C5orf58: variants seen among roughly 807,000 people sequenced by gnomAD.
C5orf58 encodes the protein putative uncharacterized protein C5orf58.
Under a neutral mutation model 2.9 loss-of-function variants are expected in C5orf58, and 2 were observed. That is an observed-to-expected ratio of 0.69 (90% CI 0.28 to 2.18). The LOEUF (loss-of-function observed/expected upper bound fraction) is 2.18, where lower values mean the gene tolerates loss of function less well. C5orf58 is among the 30% of genes most tolerant of loss of function. The pLI is 0.13. For missense variants in C5orf58, 96 were observed against 91.7 expected, an observed-to-expected ratio of 1.05 and a Z score of -0.19; for synonymous variants, 37 against 33.4, an observed-to-expected ratio of 1.11 and a Z score of -0.37.
chr5:170,234,161 C>G lies in C5orf58; in HGVS notation c.-38C>G. The G allele has an allele frequency of 7.3e-7, 1 of 1,367,582 alleles. No homozygotes were observed. Among genetic ancestry groups the G allele is most frequent in the Non-Finnish European group, 9.8e-7 (1 of 1,021,792 alleles). 84.7% of individuals were successfully genotyped at this position (1,367,582 alleles called of 1,614,324 possible). A position where few individuals can be genotyped will look rare whatever the true frequency, so the allele number is the denominator to read the frequency against. On this transcript the variant is annotated 5_prime_UTR_variant, in exon 2 of 4. Coordinates refer to ENST00000593851, the MANE Select transcript of C5orf58 (RefSeq NM_001102609.3). Reference sequence around the variant, plus strand: ...ATGAGAGAAATTGCAGAAATTCTCCCTGCTCAGGAAAAGGTAGAGGCAAGG... The same window carrying G: ...ATGAGAGAAATTGCAGAAATTCTCCGTGCTCAGGAAAAGGTAGAGGCAAGG...
In C5orf58 at chr5:170,234,188, T is replaced by C. The variant is rs377516501; in HGVS notation, c.-11T>C. ...GCTCAGGAAAAGGTAGAGGCAAGGA[T>C]TGACTTAAAGGTTAGTTTGTTTTCA... On this transcript the variant is annotated 5_prime_UTR_variant, in exon 2 of 4. Coordinates refer to ENST00000593851, the MANE Select transcript of C5orf58 (RefSeq NM_001102609.3). The C allele has an allele frequency of 2.6e-5, 36 of 1,367,106 alleles. No individual in the cohort carries two copies. Among genetic ancestry groups the C allele is most frequent in the African/African-American group, 5.9e-5 (4 of 67,734 alleles). The allele number at this position is 1,367,106 out of a possible 1,614,324, so 84.7% of individuals were successfully genotyped here. A position where few individuals can be genotyped will look rare whatever the true frequency, so the allele number is the denominator to read the frequency against.
chr5:170,240,506 T>G (rs1315535103), intron 3 of C5orf58, among the ~76,000 whole-genome samples: 1 of 151,996 alleles, frequency 6.6e-6, no homozygotes, highest in Non-Finnish European at 1.5e-5. Flanking sequence ...TGGTTTTGAT[T>G]TGCATTTCTC....
intron 3 of C5orf58, among the ~76,000 whole-genome samples, chr5:170,244,356 T>G (rs1235254726): frequency 6.6e-6 from 1 of 151,342 alleles, no homozygotes; most frequent in Non-Finnish European, 1.5e-5. Context: ...TTCTCCTGGA[T>G]AGTATCCTGC....
chr5:170,247,398 C>G (rs924925338), downstream of C5orf58: 1 of 152,208 alleles, frequency 6.6e-6, no homozygotes, highest in Admixed American at 6.5e-5. Context: ...TTCTTAGATT[C>G]CTTCCAATAC....
chr5:170,248,922 A>G, downstream of C5orf58: 2 of 1,184,908 alleles, frequency 1.7e-6, no homozygotes, highest in Non-Finnish European at 2.4e-6. Context: ...TCTTCAAGTG[A>G]TGAGGATTGT....
chr5:170,243,733 A>G (rs369081284), intron 3 of C5orf58, among the ~76,000 whole-genome samples: 3 of 151,214 alleles, frequency 2.0e-5, no homozygotes, highest in African/African-American at 7.3e-5. Context: ...TCTTTATCCA[A>G]TTTGCCAGAC....
At chr5:170,233,230 C>T (rs1259976581) in intron 1 of C5orf58, 2 of 152,604 alleles carry the variant, frequency 1.3e-5, no homozygotes, top group Non-Finnish European at 2.9e-5. Context: ...AGGCCGGGGT[C>T]ACTCTGAGGG....
At chr5:170,239,643 ATAAGT>A (rs1220773100) in intron 3 of C5orf58, among the ~76,000 whole-genome samples, 2 of 152,222 alleles carry the variant, frequency 1.3e-5, no homozygotes, top group Non-Finnish European at 2.9e-5. Context: ...ATAGATAAAA[ATAAGT>A]TAAAACCATA....
At chr5:170,240,751 T>C (rs1177642319) in intron 3 of C5orf58, among the ~76,000 whole-genome samples, 1 of 149,542 alleles carries the variant, frequency 6.7e-6, no homozygotes, top group African/African-American at 2.4e-5. Context: ...TGGTAGTTTC[T>C]TTTGCTGTGC....
downstream of C5orf58, chr5:170,246,234 T>C (rs1761287005): frequency 1.2e-6 from 1 of 836,092 alleles, no homozygotes. Context: ...AACAAGCAGT[T>C]CATGTTCTTG....
chr5:170,244,148 G>A (rs1225942053), intron 3 of C5orf58, among the ~76,000 whole-genome samples: 4 of 151,052 alleles, frequency 2.6e-5, no homozygotes, highest in East Asian at 1.9e-4. Context: ...CAAGAGATCC[G>A]CTGTTAGTCT....
chr5:170,236,423 C>T (rs2287738), intron 3 of C5orf58, among the ~76,000 whole-genome samples: 81,598 of 151,918 alleles, frequency 0.54, 22,046 homozygotes, highest in African/African-American at 0.59. Flanking sequence ...CTACATATTT[C>T]ACAAATTTAC....
downstream of C5orf58, among the ~76,000 whole-genome samples, chr5:170,249,191 G>T (rs537627545): frequency 1.5e-4 from 23 of 151,946 alleles, no homozygotes; most frequent in Non-Finnish European, 3.1e-4. Context: ...TGGGCGTGCT[G>T]GTGTGCGCCT....
Position 170,235,059 on chromosome 5 carries a change from A to C in C5orf58, c.83A>C (p.Lys28Thr), listed in dbSNP as rs368222957. Residue 28 changes from lysine to threonine, a missense_variant, in exon 3 of 4, where the codon AAG (lysine) becomes ACG (threonine). Physicochemically the swap from Lys to Thr is moderately conservative, Grantham distance 78. Transcript: ENST00000593851. ...ATTAACACAATTTCTTCGGAGTTGA[A>C]GAAGATAAAAGGTAAGTATTGAATC... ...KNINTISSEL[K>T]KIKELSQLLL... is the part of the protein sequence containing the mutation. 97 of 1,444,330 alleles carry C rather than the reference A, an allele frequency of 6.7e-5. No individual in the cohort carries two copies. The highest frequency in any genetic ancestry group is 9.0e-5 in the Non-Finnish European group (94 of 1,042,046). 89.5% of individuals were successfully genotyped at this position (1,444,330 alleles called of 1,614,324 possible).
intron 3 of C5orf58, among the ~76,000 whole-genome samples, chr5:170,243,107 C>G (rs1761094253): frequency 6.7e-6 from 1 of 149,672 alleles, no homozygotes; most frequent in East Asian, 2.0e-4. Flanking sequence ...ATTCTTAATC[C>G]TGAGTTCTAG....
chr5:170,244,779 T>C (rs1761181471), intron 3 of C5orf58, among the ~76,000 whole-genome samples: 1 of 151,980 alleles, frequency 6.6e-6, no homozygotes, highest in Admixed American at 6.5e-5. Context: ...TTCTCTCAGC[T>C]CGTCAAAGTC....
intron 3 of C5orf58, among the ~76,000 whole-genome samples, chr5:170,236,440 T>G (rs1372628883): frequency 6.6e-6 from 1 of 152,220 alleles, no homozygotes; most frequent in Admixed American, 6.5e-5. Flanking sequence ...TTACAGTACA[T>G]ATTAAGAAAT....
chr5:170,235,824 A>G (rs956856654), intron 3 of C5orf58, among the ~76,000 whole-genome samples: 17 of 152,202 alleles, frequency 1.1e-4, no homozygotes, highest in African/African-American at 3.1e-4. Flanking sequence ...GCCTACATCT[A>G]TAAGTAACAA....
chr5:170,246,287 T>G, downstream of C5orf58: 2 of 539,676 alleles, frequency 3.7e-6, no homozygotes, highest in South Asian at 5.6e-5. Flanking sequence ...CTTACGTCAC[T>G]AATGGCAAGT....
Sources: allele counts gnomAD v4.1 joint callset (sites outside exome capture counted in the v4.1 genomes callset), GRCh38; gene constraint gnomAD v4.1.1; transcripts MANE v1.5; gene names NCBI Gene and HGNC (gene_info 2026-07-23, HGNC 2026-07-21).